RBFOX1: variants seen among roughly 807,000 people sequenced by gnomAD.
RBFOX1 encodes RNA binding protein fox-1 homolog 1.
Under a neutral mutation model 57.7 loss-of-function variants are expected in RBFOX1, and 8 were observed. The ratio of observed to expected loss-of-function variants is 0.14; its 90% CI spans 0.08 to 0.25. The LOEUF (loss-of-function observed/expected upper bound fraction) is 0.25, where lower values mean the gene tolerates loss of function less well. Among genes scored for constraint, RBFOX1 ranks in the 10% least tolerant of loss-of-function variants. The probability of loss-of-function intolerance (pLI) is 1.00; values close to 1 mark genes in which losing one functional copy is unlikely to be tolerated. For synonymous variants in RBFOX1, 326 were observed against 222.4 expected (o/e 1.47, Z -4.15); for missense variants, 611 against 548.5 (o/e 1.11, Z -1.14).
chr16:6,993,225 G>A (rs2091783629), intron 3 of RBFOX1, among the ~76,000 whole-genome samples: 1 of 152,202 alleles, frequency 6.6e-6, no homozygotes, highest in Non-Finnish European at 1.5e-5. Flanking sequence ...GCAATGACTT[G>A]TTGCTACTGT....
At chr16:6,358,267 A>T (rs1486965766) in intron 2 of RBFOX1, among the ~76,000 whole-genome samples, 1 of 152,196 alleles carries the variant, frequency 6.6e-6, no homozygotes, top group East Asian at 1.9e-4. Flanking sequence ...AGTTTCTGGC[A>T]TCATGTAATT....
At chr16:7,411,604 C>T (rs1249397768) in intron 4 of RBFOX1, among the ~76,000 whole-genome samples, 1 of 152,150 alleles carries the variant, frequency 6.6e-6, no homozygotes, top group African/African-American at 2.4e-5. Context: ...TCAAGGTGAT[C>T]AAAGACGGGG....
chr16:6,696,320 A>C (rs567844800), intron 3 of RBFOX1, among the ~76,000 whole-genome samples: 2 of 151,038 alleles, frequency 1.3e-5, no homozygotes, highest in South Asian at 4.2e-4. Flanking sequence ...TTTTCTTAGA[A>C]GTTTTCTTTG....
Position 6,910,873 on chromosome 16 carries a change from A to G in RBFOX1, c.-15-141184A>G, listed in dbSNP as rs116899008. 2.1e-3 allele frequency among the ~76,000 whole-genome samples: 315 copies of G among 152,306 alleles called. 3 individuals are homozygous for G. Among genetic ancestry groups the G allele is most frequent in the Middle Eastern group, 0.01 (3 of 294 alleles). ...ATGCCTCCATTTCATGCTGGTCTTT[A>G]TACCTTTGCCTTCCTTGCTAATCTC... On this transcript the variant is annotated intron_variant, in intron 3 of 15. Transcript: ENST00000550418.
chr16:5,822,915 GGGC>G (rs1364126200), intron 3 of RBFOX1, among the ~76,000 whole-genome samples: 1 of 152,210 alleles, frequency 6.6e-6, no homozygotes, highest in Non-Finnish European at 1.5e-5. Flanking sequence ...GCCAGGCTGT[GGGC>G]TTAGATGTTG....
chr16:5,592,470 G>C (rs1567270434), intron 2 of RBFOX1, among the ~76,000 whole-genome samples: 1 of 150,610 alleles, frequency 6.6e-6, no homozygotes, highest in Non-Finnish European at 1.5e-5. Flanking sequence ...AGGCTGGAGT[G>C]CAGTGGCACG....
chr16:7,068,738 C>T (rs964620512), intron 4 of RBFOX1, among the ~76,000 whole-genome samples: 6 of 152,140 alleles, frequency 3.9e-5, no homozygotes, highest in African/African-American at 1.4e-4. Flanking sequence ...CAGGTCCCTG[C>T]CACCACACCC....
chr16:5,748,460 T>A (rs2053069117), intron 3 of RBFOX1, among the ~76,000 whole-genome samples: 1 of 152,208 alleles, frequency 6.6e-6, no homozygotes, highest in Non-Finnish European at 1.5e-5. Context: ...ATCTGTCTAA[T>A]GTTGACAGTG....
chr16:6,961,401 C>T (rs970399544), intron 3 of RBFOX1, among the ~76,000 whole-genome samples: 1 of 152,160 alleles, frequency 6.6e-6, no homozygotes, highest in Non-Finnish European at 1.5e-5. Context: ...AGCAAATAGC[C>T]ATGAACTTGG....
intron 3 of RBFOX1, among the ~76,000 whole-genome samples, chr16:6,973,817 G>C (rs1307171975): frequency 6.6e-6 from 1 of 152,126 alleles, no homozygotes; most frequent in Non-Finnish European, 1.5e-5. Flanking sequence ...TGTGCAGGAT[G>C]TGTAGGTTTG....
In RBFOX1 at chr16:7,530,567, A is replaced by G. The variant is rs1423158759; in HGVS notation, c.270+12178A>G. Reference sequence around the variant, plus strand: ...CCTGCTGCTCCTGGTGGTTGTATCAATGGGTCTGTGTGAATTCAGCAATGT... The same window carrying G: ...CCTGCTGCTCCTGGTGGTTGTATCAGTGGGTCTGTGTGAATTCAGCAATGT... On this transcript the variant is annotated intron_variant, in intron 5 of 15. Coordinates refer to ENST00000550418, the MANE Select transcript of RBFOX1 (RefSeq NM_018723.4). Among the ~76,000 whole-genome samples the G allele has an allele frequency of 2.0e-5, 3 of 152,002 alleles. No individual in the cohort carries two copies. In the South Asian group the frequency reaches 6.3e-4, roughly 32 times the overall value.
chr16:7,653,115 ATGTG>A lies in RBFOX1; in HGVS notation c.758-698_758-695del, dbSNP rs1213040408. Among the ~76,000 whole-genome samples, 3 of 152,258 alleles carry A rather than the reference ATGTG, an allele frequency of 2.0e-5. No individual in the cohort carries two copies. In the East Asian group the frequency reaches 5.8e-4, roughly 29 times the overall value. ...CACATGTACACATGCATATACACAT[ATGTG>A]TATTTTGCATGCAAATACACCTGTA... On this transcript the variant is annotated intron_variant, in intron 11 of 15. Transcript: ENST00000550418.
intron 4 of RBFOX1, among the ~76,000 whole-genome samples, chr16:7,282,938 C>A (rs2095575812): frequency 6.6e-6 from 1 of 152,106 alleles, no homozygotes; most frequent in East Asian, 1.9e-4. Flanking sequence ...TTGAGTAGTC[C>A]ATCATGTGTG....
chr16:7,371,223 A>G (rs1305282942), intron 4 of RBFOX1, among the ~76,000 whole-genome samples: 1 of 152,206 alleles, frequency 6.6e-6, no homozygotes, highest in African/African-American at 2.4e-5. Flanking sequence ...TGTGTGTTGT[A>G]TGTGTCCCAG....
intron 1 of RBFOX1, among the ~76,000 whole-genome samples, chr16:6,241,399 TG>T (rs1177321590): frequency 6.6e-6 from 1 of 152,184 alleles, no homozygotes; most frequent in East Asian, 1.9e-4. Flanking sequence ...AACGTGCTCA[TG>T]GTACTTAATA....
At chr16:5,815,502 A>G (rs1420347114) in intron 3 of RBFOX1, among the ~76,000 whole-genome samples, 1 of 152,090 alleles carries the variant, frequency 6.6e-6, no homozygotes, top group African/African-American at 2.4e-5. Flanking sequence ...TCAGTCACTA[A>G]TGGACCAAGA....
intron 4 of RBFOX1, among the ~76,000 whole-genome samples, chr16:7,086,685 G>C (rs961642051): frequency 1.2e-4 from 18 of 152,092 alleles, no homozygotes; most frequent in Non-Finnish European, 2.2e-4. Context: ...AAATTTCCTA[G>C]GTCTGCGATT....
chr16:5,531,154 C>T (rs972370878), intron 2 of RBFOX1, among the ~76,000 whole-genome samples: 4 of 151,500 alleles, frequency 2.6e-5, no homozygotes, highest in Admixed American at 6.6e-5. Context: ...ATAAAATAAT[C>T]ACAGTCCAGG....
chr16:6,951,083 T>G (rs1356669816), intron 3 of RBFOX1, among the ~76,000 whole-genome samples: 2 of 152,062 alleles, frequency 1.3e-5, no homozygotes, highest in African/African-American at 2.4e-5. Context: ...TTTATCTTAT[T>G]TTTTGTAGAG....
Sources: allele counts gnomAD v4.1 joint callset (sites outside exome capture counted in the v4.1 genomes callset), GRCh38; gene constraint gnomAD v4.1.1; transcripts MANE v1.5; gene names NCBI Gene and HGNC (gene_info 2026-07-23, HGNC 2026-07-21).